Variants in FTO observed in about 807,000 individuals in gnomAD.
The protein encoded by FTO is FTO alpha-ketoglutarate dependent dioxygenase.
In FTO, 47 loss-of-function variants were observed where a neutral mutation model predicts 63.9. That is an observed-to-expected ratio of 0.74 (90% CI 0.58 to 0.94). The LOEUF (loss-of-function observed/expected upper bound fraction) is 0.94. Ranked by LOEUF, FTO falls within the 40% of genes least tolerant of loss-of-function variation. The pLI is 0.00. For synonymous variants in FTO, 207 were observed against 224.4 expected, an observed-to-expected ratio of 0.92 and a Z score of 0.69; for missense variants, 562 against 618.1, an observed-to-expected ratio of 0.91 and a Z score of 0.96.
At chr16:53,808,014 C>G (rs2078416722) in intron 1 of FTO, among the ~76,000 whole-genome samples, 1 of 151,990 alleles carries the variant, frequency 6.6e-6, no homozygotes, top group Admixed American at 6.6e-5. Context: ...ATAAAAGTAT[C>G]ATAATTTAGG....
intron 7 of FTO, among the ~76,000 whole-genome samples, chr16:53,910,996 G>A (rs2081679054): frequency 1.3e-5 from 2 of 152,236 alleles, no homozygotes; most frequent in Admixed American, 1.3e-4. Context: ...GGAAGTTTAG[G>A]GGCAAATGAG....
At chr16:54,028,836 A>G (rs1386199473) in intron 8 of FTO, among the ~76,000 whole-genome samples, 1 of 152,042 alleles carries the variant, frequency 6.6e-6, no homozygotes, top group Non-Finnish European at 1.5e-5. Context: ...TCCTTTACCA[A>G]TTTTTCTTCC....
chr16:53,872,781 T>A (rs2080536349), intron 4 of FTO, among the ~76,000 whole-genome samples: 1 of 152,222 alleles, frequency 6.6e-6, no homozygotes, highest in African/African-American at 2.4e-5. Flanking sequence ...GTTTAAGTCA[T>A]TATCTTTTTT....
intron 1 of FTO, among the ~76,000 whole-genome samples, chr16:53,795,808 G>A (rs2078050695): frequency 6.6e-6 from 1 of 152,110 alleles, no homozygotes; most frequent in Admixed American, 6.5e-5. Flanking sequence ...CTAGAAGACA[G>A]GAGAATAATA....
intron 8 of FTO, among the ~76,000 whole-genome samples, chr16:54,091,433 A>G (rs2144555115): frequency 6.6e-6 from 1 of 152,274 alleles, no homozygotes; most frequent in Middle Eastern, 3.4e-3. Flanking sequence ...CTAGCAACTC[A>G]GGAGGCTGAG....
At chr16:53,766,680 G>A (rs760509577) in intron 1 of FTO, among the ~76,000 whole-genome samples, 1 of 152,180 alleles carries the variant, frequency 6.6e-6, no homozygotes, top group Non-Finnish European at 1.5e-5. Flanking sequence ...GGAATCCGAA[G>A]GTCAGGGCCA....
At chr16:53,825,801 C>T (rs1674312268) in intron 2 of FTO, 63 bp from the exon 3 acceptor site, 7 of 1,584,824 alleles carry the variant, frequency 4.4e-6, no homozygotes, top group Non-Finnish European at 6.0e-6. Flanking sequence ...AGAAACACAC[C>T]TTTGGAAATA....
chr16:53,975,181 A>G (rs8057447), intron 8 of FTO, among the ~76,000 whole-genome samples: 2,405 of 151,378 alleles, frequency 0.016, 66 homozygotes, highest in African/African-American at 0.056. Flanking sequence ...AGAAAGAGTC[A>G]CGTATTTTGG....
At chr16:53,959,341 A>T (rs55750853) in intron 8 of FTO, among the ~76,000 whole-genome samples, 5,530 of 152,250 alleles carry the variant, frequency 0.036, 115 homozygotes, top group Non-Finnish European at 0.045. Context: ...GGGCTTGAAT[A>T]GTTGCAGTCC....
intron 1 of FTO, among the ~76,000 whole-genome samples, chr16:53,777,634 T>C (rs910861837): frequency 2.2e-4 from 33 of 152,192 alleles, no homozygotes; most frequent in African/African-American, 8.0e-4. Context: ...CATTTCATTA[T>C]ACAGTGTAAA....
chr16:53,721,562 T>C (rs1466824211), intron 1 of FTO, among the ~76,000 whole-genome samples: 1 of 152,212 alleles, frequency 6.6e-6, no homozygotes, highest in East Asian at 1.9e-4. Context: ...TTTTGTTCAT[T>C]GCTATGGAAG....
intron 1 of FTO, among the ~76,000 whole-genome samples, chr16:53,727,758 G>A (rs2076184367): frequency 6.6e-6 from 1 of 152,154 alleles, no homozygotes; most frequent in Non-Finnish European, 1.5e-5. Flanking sequence ...GTCACTGTGT[G>A]TAAGTCACTG....
intron 8 of FTO, among the ~76,000 whole-genome samples, chr16:54,089,920 C>T (rs1305417714): frequency 6.6e-6 from 1 of 151,768 alleles, no homozygotes; most frequent in Non-Finnish European, 1.5e-5. Flanking sequence ...TGGGGCTCCT[C>T]CATTATTGGT....
chr16:53,825,616 A>T (rs1383233019), intron 2 of FTO, among the ~76,000 whole-genome samples: 1 of 152,114 alleles, frequency 6.6e-6, no homozygotes, highest in African/African-American at 2.4e-5. Context: ...ACACATTATT[A>T]TTTTTTGTTT....
chr16:53,841,164 A>G (rs1374636129), intron 3 of FTO, among the ~76,000 whole-genome samples: 1 of 151,006 alleles, frequency 6.6e-6, no homozygotes, highest in Non-Finnish European at 1.5e-5. Flanking sequence ...GTAATTGATC[A>G]TAACACTCTT....
chr16:53,784,429 T>C (rs2151666892), intron 1 of FTO, among the ~76,000 whole-genome samples: 1 of 152,326 alleles, frequency 6.6e-6, no homozygotes, highest in African/African-American at 2.4e-5. Flanking sequence ...CAAAAGTAAA[T>C]ACTTTTTCTG....
intron 1 of FTO, among the ~76,000 whole-genome samples, chr16:53,795,442 A>T (rs960218974): frequency 5.3e-5 from 8 of 150,938 alleles, no homozygotes; most frequent in Non-Finnish European, 1.0e-4. Context: ...AGACCCTGCT[A>T]ATACATTTGT....
chr16:53,939,460 G>T (rs1294083844), intron 8 of FTO, among the ~76,000 whole-genome samples: 1 of 152,160 alleles, frequency 6.6e-6, no homozygotes, highest in African/African-American at 2.4e-5. Context: ...CATATATAAC[G>T]TAAAATTGCA....
chr16:53,844,423 C>T (rs2079562641), intron 4 of FTO, 125 bp downstream of exon 4: 1 of 775,246 alleles, frequency 1.3e-6, no homozygotes, highest in Non-Finnish European at 2.1e-6. Context: ...AGCGAAACTT[C>T]TTTATAAGAA....
Sources: allele counts gnomAD v4.1 joint callset (sites outside exome capture counted in the v4.1 genomes callset), GRCh38; gene constraint gnomAD v4.1.1; transcripts MANE v1.5; gene names NCBI Gene and HGNC (gene_info 2026-07-23, HGNC 2026-07-21).